The following FAP variants were observed in gnomAD, a reference collection of about 807,000 sequenced individuals.
FAP encodes prolyl endopeptidase FAP.
Under a neutral mutation model 126.5 loss-of-function variants are expected in FAP, and 110 were observed. The ratio of observed to expected loss-of-function variants is 0.87; its 90% CI spans 0.74 to 1.02. FAP has a LOEUF of 1.02. FAP is among the 50% of genes least tolerant of loss of function. FAP has a pLI of 0.00. For synonymous variants in FAP, 334 were observed against 297.3 expected, an observed-to-expected ratio of 1.12 and a Z score of -1.27; for missense variants, 919 against 909.2, an observed-to-expected ratio of 1.01 and a Z score of -0.14.
chr2:162,198,663 C>T (rs1193532899), intron 16 of FAP, 94 bp downstream of exon 16: 9 of 1,394,204 alleles, frequency 6.5e-6, no homozygotes, highest in Middle Eastern at 1.8e-4. Context: ...AACAAATGCT[C>T]ATTAACTGTA....
chr2:162,225,394 G>C lies in FAP; in HGVS notation c.285+89C>G, dbSNP rs1015256121. The C allele has an allele frequency of 5.3e-6, 8 of 1,509,128 alleles. No homozygotes were observed. The African/African-American group carries it at 7.0e-5, about 13-fold the overall frequency. 93.5% of individuals were successfully genotyped at this position (1,509,128 alleles called of 1,614,324 possible). On this transcript the variant is annotated intron_variant, in intron 4 of 25. Coordinates refer to ENST00000188790, the MANE Select transcript of FAP (RefSeq NM_004460.5). ...GAGCTGGGAAGGCAAGTTGTGTCCA[G>C]ATCAGGTGCTAAGACTTTGAACTCT... is the stretch of plus-strand genomic sequence containing the variant.
chr2:162,221,524 C>CAA lies in FAP; in HGVS notation c.414-1601_414-1600dup, dbSNP rs11413930. 2,372 of 322,996 alleles carry CAA rather than the reference C, an allele frequency of 7.3e-3. 7 individuals carry two copies. The highest frequency in any genetic ancestry group is 0.017 in the African/African-American group (769 of 44,682). The allele number at this position is 322,996 out of a possible 1,614,324, so 20.0% of individuals were successfully genotyped here. A position where few individuals can be genotyped will look rare whatever the true frequency, so the allele number is the denominator to read the frequency against. On this transcript the variant is annotated intron_variant, in intron 6 of 25. Coordinates refer to ENST00000188790, the MANE Select transcript of FAP (RefSeq NM_004460.5). ...TGGGCGACAGAACGAGACCCTGTCT[C>CAA]AAAAAAAAAAATAAGAAGACATTCT... is the stretch of plus-strand genomic sequence containing the variant.
chr2:162,179,806 A>T (rs201209521), intron 21 of FAP, among the ~76,000 whole-genome samples: 56 of 138,848 alleles, frequency 4.0e-4, no homozygotes, highest in African/African-American at 1.3e-3. Flanking sequence ...ATATATATAT[A>T]TATATATTTT....
rs781150170 is a variant in FAP, at chr2:162,175,286, A to G, written c.1870-320T>C. 70 of 163,542 alleles carry G rather than the reference A, an allele frequency of 4.3e-4. 1 individual carries two copies. The highest frequency in any genetic ancestry group is 1.8e-3 in the Admixed American group (29 of 15,954). 10.1% of individuals were successfully genotyped at this position (163,542 alleles called of 1,614,324 possible). On this transcript the variant is annotated intron_variant, in intron 21 of 25. Transcript: ENST00000188790. Reference sequence around the variant, plus strand: ...AAAAAAAATTCTCATTTTTTTCTCTATATCTTTCCAACTAGGACCATGCTG... The same window carrying G: ...AAAAAAAATTCTCATTTTTTTCTCTGTATCTTTCCAACTAGGACCATGCTG...
intron 25 of FAP, 191 bp downstream of exon 25, chr2:162,172,620 G>A (rs1687350038): frequency 1.8e-6 from 1 of 542,306 alleles, no homozygotes; most frequent in African/African-American, 1.9e-5. Context: ...CACGAGAGGT[G>A]ATCTGGTTTG....
At chr2:162,226,112 C>T (rs777027478) in intron 3 of FAP, among the ~76,000 whole-genome samples, 10 of 151,872 alleles carry the variant, frequency 6.6e-5, no homozygotes, top group Non-Finnish European at 1.3e-4. Context: ...ATGAAAATAC[C>T]GATTTCATGA....
intron 8 of FAP, 28 bp downstream of exon 8, chr2:162,219,035 T>G: frequency 6.4e-7 from 1 of 1,554,690 alleles, no homozygotes; most frequent in Non-Finnish European, 8.7e-7. Flanking sequence ...GCCTAAAGCA[T>G]TAGCAGTAGA....
intron 2 of FAP, among the ~76,000 whole-genome samples, chr2:162,242,556 G>A (rs903296363): frequency 1.3e-5 from 2 of 151,922 alleles, no homozygotes; most frequent in African/African-American, 4.8e-5. Flanking sequence ...TACTTTCCAC[G>A]AGACAAACCT....
rs114068882 is a variant in FAP at position 162,227,148 on chromosome 2, C to A, written c.92-527G>T. Among the ~76,000 whole-genome samples, 574 of 152,112 alleles carry A rather than the reference C, an allele frequency of 3.8e-3. 4 individuals are homozygous for A. The highest frequency in any genetic ancestry group is 0.013 in the African/African-American group (525 of 41,492). ...TTGGTCAAATGAGATTGGCCAGAAC[C>A]CTTACCTTCAGAAATCTCAAGAAAG... On this transcript the variant is annotated intron_variant, in intron 2 of 25. Coordinates refer to ENST00000188790, the MANE Select transcript of FAP (RefSeq NM_004460.5).
chr2:162,208,457 T>C (rs1688795419), intron 12 of FAP, among the ~76,000 whole-genome samples: 1 of 152,216 alleles, frequency 6.6e-6, no homozygotes, highest in Non-Finnish European at 1.5e-5. Context: ...TAAATGTTTA[T>C]AGATGCTCAA....
intron 15 of FAP, 31 bp from the exon 16 acceptor site, chr2:162,198,912 A>G (rs770961863): frequency 6.2e-7 from 1 of 1,603,492 alleles, no homozygotes; most frequent in South Asian, 1.1e-5. Flanking sequence ...AACTAAGCTG[A>G]AATTTTGAGA....
intron 20 of FAP, among the ~76,000 whole-genome samples, chr2:162,187,829 T>C (rs1269916014): frequency 6.6e-6 from 1 of 152,082 alleles, no homozygotes; most frequent in East Asian, 1.9e-4. Context: ...CAAATTCAGA[T>C]ATTTGTTTTC....
At chr2:162,185,308 C>T (rs1687828034) in intron 20 of FAP, among the ~76,000 whole-genome samples, 1 of 152,150 alleles carries the variant, frequency 6.6e-6, no homozygotes, top group South Asian at 2.1e-4. Flanking sequence ...TATTCTTATT[C>T]ATGCCATCTA....
intron 23 of FAP, 96 bp downstream of exon 23, chr2:162,173,627 G>T: frequency 1.2e-6 from 1 of 820,770 alleles, no homozygotes; most frequent in Non-Finnish European, 2.1e-6. Flanking sequence ...TTGCTTGGGG[G>T]CCCAGAATTA....
chr2:162,212,844 T>C (rs1262046603), intron 11 of FAP, among the ~76,000 whole-genome samples: 1 of 152,204 alleles, frequency 6.6e-6, no homozygotes, highest in East Asian at 1.9e-4. Flanking sequence ...AAGAACAGGC[T>C]TATTTTAAAG....
At chr2:162,184,801 T>C (rs1324812377) in intron 20 of FAP, among the ~76,000 whole-genome samples, 1 of 152,166 alleles carries the variant, frequency 6.6e-6, no homozygotes, top group Non-Finnish European at 1.5e-5. Context: ...CTACTGGTGC[T>C]TGAAGACAGT....
In FAP at chr2:162,235,055, G is replaced by A. The variant is rs113862096; in HGVS notation, c.91+7853C>T. ...CCACCGAGGCTGCCCTCAGTTTCTC[G>A]CCAGGCTTTAGCTGCCTCCCTGCGG... On this transcript the variant is annotated intron_variant, in intron 2 of 25. Transcript: ENST00000188790. Among the ~76,000 whole-genome samples the A allele has an allele frequency of 5.2e-4, 79 of 152,182 alleles. 2 individuals are homozygous for A. Among genetic ancestry groups the A allele is most frequent in the Admixed American group, 1.2e-3 (19 of 15,290 alleles).
At chr2:162,180,908 G>C (rs933133196) in intron 21 of FAP, among the ~76,000 whole-genome samples, 1 of 152,058 alleles carries the variant, frequency 6.6e-6, no homozygotes, top group Non-Finnish European at 1.5e-5. Context: ...GACACCACAA[G>C]GGTTTGCCGA....
At position 162,189,656 on chromosome 2, in the gene FAP, T is replaced by C. The variant is rs772364783; in HGVS notation, c.1549A>G (p.Thr517Ala). The change falls in exon 18 of 26, where the codon ACT becomes GCT. Residue 517 changes from threonine to alanine, a missense_variant and splice_region_variant. Thr to Ala is a moderately conservative substitution (Grantham distance 58, BLOSUM62 0). Transcript: ENST00000188790. ...ATGAGAAGTTTTTAAAAGATCTTACTAATTTCATCTACTTCAAGTTTCTTA... is the reference window on the plus strand; with the variant it reads ...ATGAGAAGTTTTTAAAAGATCTTACCAATTTCATCTACTTCAAGTTTCTTA... ...EIKKLEVDEI[T>A]LWYKMILPPQ... 1.7e-5 allele frequency: 25 copies of C among 1,501,128 alleles called. No individual in the cohort carries two copies. The highest frequency in any genetic ancestry group is 3.6e-5 in the South Asian group (3 of 83,058). 93.0% of individuals were successfully genotyped at this position (1,501,128 alleles called of 1,614,324 possible). A position where few individuals can be genotyped will look rare whatever the true frequency, so the allele number is the denominator to read the frequency against.
Sources: allele counts gnomAD v4.1 joint callset (sites outside exome capture counted in the v4.1 genomes callset), GRCh38; gene constraint gnomAD v4.1.1; transcripts MANE v1.5; gene names NCBI Gene and HGNC (gene_info 2026-07-23, HGNC 2026-07-21).